Variants in SGCG observed in about 807,000 individuals in gnomAD.
SGCG encodes the protein sarcoglycan gamma.
In SGCG, 26 loss-of-function variants were observed where a neutral mutation model predicts 29.3. That is an observed-to-expected ratio of 0.89 (90% CI 0.65 to 1.23). SGCG has a LOEUF of 1.23. Ranked by LOEUF, SGCG falls within the 50% of genes most tolerant of loss-of-function variation. The pLI, the probability that SGCG is intolerant of heterozygous loss-of-function variation, is 0.00. For missense variants in SGCG, 353 were observed against 356.0 expected, an observed-to-expected ratio of 0.99 and a Z score of 0.07; for synonymous variants, 145 against 129.7, an observed-to-expected ratio of 1.12 and a Z score of -0.80.
intron 6 of SGCG, among the ~76,000 whole-genome samples, chr13:23,309,924 TATAATTATTC>T (rs369776482): frequency 3.3e-5 from 5 of 152,312 alleles, no homozygotes; most frequent in Admixed American, 6.5e-5. Context: ...ATTATGAGCA[TATAATTATTC>T]ATAATTATTC....
the SGCG span, among the ~76,000 whole-genome samples, chr13:23,165,488 A>G: frequency 3.3e-5 from 5 of 151,536 alleles, no homozygotes; most frequent in Non-Finnish European, 5.9e-5. Flanking sequence ...AAGTTAAGAG[A>G]TTCCCCATTC....
chr13:23,171,205 G>T, the SGCG span, among the ~76,000 whole-genome samples: 1 of 152,018 alleles, frequency 6.6e-6, no homozygotes. Flanking sequence ...CAGCATTAAG[G>T]AATAATTATA....
intron 2 of SGCG, among the ~76,000 whole-genome samples, chr13:23,223,402 T>A (rs1878763288): frequency 6.6e-6 from 1 of 152,136 alleles, no homozygotes; most frequent in Non-Finnish European, 1.5e-5. Context: ...TAGGTTGATA[T>A]TTGAAAAATT....
rs188737114 is a variant in SGCG at position 23,201,576 on chromosome 13, C to T, written c.1-2119C>T. Among the ~76,000 whole-genome samples the T allele has an allele frequency of 3.3e-3, 506 of 152,194 alleles. 2 individuals are homozygous for T. Among genetic ancestry groups the T allele is most frequent in the African/African-American group, 0.011 (477 of 41,540 alleles). On this transcript the variant is annotated intron_variant, in intron 1 of 7. Transcript: ENST00000218867. ...TCTAGAAGCTGGAAAAGGCAAGCAACGTCTCCCCTCCACCCTCCAGAAAAA... is the reference window on the plus strand; with the variant it reads ...TCTAGAAGCTGGAAAAGGCAAGCAATGTCTCCCCTCCACCCTCCAGAAAAA...
chr13:23,166,178 T>C, the SGCG span, among the ~76,000 whole-genome samples: 5 of 152,166 alleles, frequency 3.3e-5, no homozygotes, highest in Admixed American at 2.0e-4. Context: ...TGAAGGTTTT[T>C]GTACAAATTC....
At position 23,234,648 on chromosome 13, in the gene SGCG, T is replaced by A; in HGVS notation, c.233T>A (p.Leu78Gln). Reference protein sequence around the residue: ...MGHLCVTKDGLRLEGESEFLF... With the variant: ...MGHLCVTKDGQRLEGESEFLF... Reference sequence around the variant, plus strand: ...CACTTGTGTGTAACAAAAGATGGACTGCGCTTGGAAGGGGAATCAGAATTT... The same window carrying A: ...CACTTGTGTGTAACAAAAGATGGACAGCGCTTGGAAGGGGAATCAGAATTT... Residue 78 changes from leucine (L) to glutamine (Q), a missense_variant, in exon 3 of 8, where the codon CTG becomes CAG. By Grantham distance (113) the Leu-to-Gln change is moderately radical (BLOSUM62 -2). Transcript: ENST00000218867. The A allele has an allele frequency of 6.2e-7, 1 of 1,613,222 alleles. No homozygotes were observed. The highest frequency in any genetic ancestry group is 8.5e-7 in the Non-Finnish European group (1 of 1,179,340).
intron 1 of SGCG, among the ~76,000 whole-genome samples, chr13:23,202,448 G>C (rs536185205): frequency 8.5e-5 from 13 of 152,324 alleles, no homozygotes; most frequent in African/African-American, 2.9e-4. Flanking sequence ...AGGTAGAATT[G>C]ATAGGACTTG....
At chr13:23,298,709 G>A (rs1372545521) in intron 6 of SGCG, among the ~76,000 whole-genome samples, 2 of 152,136 alleles carry the variant, frequency 1.3e-5, no homozygotes, top group Non-Finnish European at 2.9e-5. Flanking sequence ...AATATAGATT[G>A]TAGAAATGCC....
chr13:23,228,933 C>G (rs942011724), intron 2 of SGCG, among the ~76,000 whole-genome samples: 1 of 152,162 alleles, frequency 6.6e-6, no homozygotes, highest in African/African-American at 2.4e-5. Context: ...TGCAGTGGCA[C>G]GATCTTGGCT....
intron 1 of SGCG, among the ~76,000 whole-genome samples, chr13:23,195,812 A>G (rs1357526225): frequency 6.6e-6 from 1 of 152,094 alleles, no homozygotes; most frequent in Non-Finnish European, 1.5e-5. Flanking sequence ...TGACTAAAAG[A>G]TAAAGGAGAA....
chr13:23,308,381 C>T (rs1026824042), intron 6 of SGCG, among the ~76,000 whole-genome samples: 1 of 152,088 alleles, frequency 6.6e-6, no homozygotes, highest in Non-Finnish European at 1.5e-5. Context: ...ATCCGTAATG[C>T]TATTTTTGTC....
intron 4 of SGCG, among the ~76,000 whole-genome samples, chr13:23,265,328 C>G (rs1880595979): frequency 6.6e-6 from 1 of 152,108 alleles, no homozygotes; most frequent in Admixed American, 6.5e-5. Flanking sequence ...CCTGTAATCC[C>G]AGCACTTTGG....
At chr13:23,161,870 T>C in the SGCG span, among the ~76,000 whole-genome samples, 9 of 152,242 alleles carry the variant, frequency 5.9e-5, no homozygotes. Context: ...AGACACAATA[T>C]TTAGTGGATG....
In SGCG at chr13:23,241,148, C is replaced by CAAAA. The variant is rs150540516; in HGVS notation, c.297+6448_297+6451dup. On this transcript the variant is annotated intron_variant, in intron 3 of 7. Transcript: ENST00000218867. ...TGGGTGACGGAGCGAGACTCCATCT[C>CAAAA]AAAAAAAAAAAAAAAGAAGAAGAAG... Among the ~76,000 whole-genome samples, 45 of 95,506 alleles carry CAAAA rather than the reference C, an allele frequency of 4.7e-4. 1 individual carries two copies. Among genetic ancestry groups the CAAAA allele is most frequent in the East Asian group, 5.9e-4 (2 of 3,366 alleles). The allele number at this position is 95,506 out of a possible 152,430, so 62.7% of individuals were successfully genotyped here.
chr13:23,177,938 C>A (rs1876613106), upstream of SGCG, among the ~76,000 whole-genome samples: 1 of 151,984 alleles, frequency 6.6e-6, no homozygotes, highest in Non-Finnish European at 1.5e-5. Flanking sequence ...TGGGAGGTAA[C>A]CCTAGTCAAA....
At chr13:23,190,338 T>C (rs909942040) in intron 1 of SGCG, among the ~76,000 whole-genome samples, 1 of 152,208 alleles carries the variant, frequency 6.6e-6, no homozygotes, top group Non-Finnish European at 1.5e-5. Flanking sequence ...AGTATCATCA[T>C]ATTCTGTAAA....
chr13:23,259,456 G>A (rs1050623475), intron 4 of SGCG, among the ~76,000 whole-genome samples: 21 of 151,672 alleles, frequency 1.4e-4, no homozygotes, highest in Non-Finnish European at 2.1e-4. Flanking sequence ...AGTGTTCCTA[G>A]CGGTCTATCA....
intron 2 of SGCG, among the ~76,000 whole-genome samples, chr13:23,207,368 G>A (rs1482459569): frequency 6.6e-6 from 1 of 152,150 alleles, no homozygotes; most frequent in Non-Finnish European, 1.5e-5. Context: ...AAAACTTCTA[G>A]AAGAAAACAT....
the SGCG span, among the ~76,000 whole-genome samples, chr13:23,160,871 G>A: frequency 6.6e-6 from 1 of 152,146 alleles, no homozygotes; most frequent in Non-Finnish European, 1.5e-5. Flanking sequence ...GGGGCTCAGG[G>A]ACAAGAGTAA....
Sources: allele counts gnomAD v4.1 joint callset (sites outside exome capture counted in the v4.1 genomes callset), GRCh38; gene constraint gnomAD v4.1.1; transcripts MANE v1.5; gene names NCBI Gene and HGNC (gene_info 2026-07-23, HGNC 2026-07-21).